The following CAMK1D variants were observed in gnomAD, a reference collection of about 807,000 sequenced individuals.
The protein encoded by CAMK1D is calcium/calmodulin dependent protein kinase ID.
In CAMK1D, 9 loss-of-function variants were observed where a neutral mutation model predicts 47.7. That is an observed-to-expected ratio of 0.19 (90% CI 0.11 to 0.33). The LOEUF (loss-of-function observed/expected upper bound fraction) is 0.33. Among genes scored for constraint, CAMK1D ranks in the 10% least tolerant of loss-of-function variants. CAMK1D has a pLI of 1.00. For synonymous variants in CAMK1D, 184 were observed against 184.9 expected, an observed-to-expected ratio of 0.99 and a Z score of 0.04; for missense variants, 291 against 488.7, an observed-to-expected ratio of 0.60 and a Z score of 3.81.
At chr10:12,574,295 T>C (rs145813570) in intron 2 of CAMK1D, among the ~76,000 whole-genome samples, 1 of 151,844 alleles carries the variant, frequency 6.6e-6, no homozygotes, top group East Asian at 1.9e-4. Flanking sequence ...GGGATCTTTC[T>C]TTCTGTTTTG....
intron 1 of CAMK1D, among the ~76,000 whole-genome samples, chr10:12,536,765 T>C (rs1028830526): frequency 2.0e-5 from 3 of 152,242 alleles, no homozygotes; most frequent in African/African-American, 7.2e-5. Flanking sequence ...ACGGAAGAAA[T>C]ACTGTATCTT....
chr10:12,488,721 TC>T (rs1834287968), intron 1 of CAMK1D, among the ~76,000 whole-genome samples: 1 of 152,066 alleles, frequency 6.6e-6, no homozygotes, highest in Non-Finnish European at 1.5e-5. Context: ...CAGTGACAGA[TC>T]ATCAGGCATT....
intron 3 of CAMK1D, among the ~76,000 whole-genome samples, chr10:12,685,984 G>A (rs1477187025): frequency 2.0e-5 from 3 of 152,196 alleles, no homozygotes; most frequent in African/African-American, 4.8e-5. Context: ...ATGGCCCAGA[G>A]AGCTGATACA....
chr10:12,640,816 G>T (rs190179393), intron 2 of CAMK1D, among the ~76,000 whole-genome samples: 6 of 150,938 alleles, frequency 4.0e-5, no homozygotes, highest in Non-Finnish European at 8.8e-5. Context: ...AACATGATTG[G>T]TTTTTTTCAG....
chr10:12,696,080 ACT>A (rs1833284348), intron 3 of CAMK1D, among the ~76,000 whole-genome samples: 2 of 151,790 alleles, frequency 1.3e-5, no homozygotes, highest in Admixed American at 1.3e-4. Flanking sequence ...CAAGAGTTAA[ACT>A]CCATCTCAAA....
chr10:12,601,937 C>T (rs1253440468), intron 2 of CAMK1D, among the ~76,000 whole-genome samples: 1 of 152,220 alleles, frequency 6.6e-6, no homozygotes, highest in Admixed American at 6.5e-5. Context: ...AAGAAGCCCC[C>T]TCTACCTGTG....
chr10:12,586,678 C>G (rs912438969), intron 2 of CAMK1D, among the ~76,000 whole-genome samples: 1 of 152,052 alleles, frequency 6.6e-6, no homozygotes, highest in Non-Finnish European at 1.5e-5. Flanking sequence ...CTGCTGCCCC[C>G]TCACCAGACC....
intron 2 of CAMK1D, among the ~76,000 whole-genome samples, chr10:12,662,569 A>G (rs900126173): frequency 6.6e-6 from 1 of 151,678 alleles, no homozygotes; most frequent in East Asian, 1.9e-4. Context: ...GGGGAATGGC[A>G]TGAACCCGGG....
chr10:12,446,410 C>T (rs1031774667), intron 1 of CAMK1D, among the ~76,000 whole-genome samples: 9 of 152,114 alleles, frequency 5.9e-5, no homozygotes, highest in Non-Finnish European at 1.2e-4. Context: ...AGTGTAGCAG[C>T]GAGGACAACA....
chr10:12,445,309 G>T (rs1490818879), intron 1 of CAMK1D, among the ~76,000 whole-genome samples: 2 of 152,198 alleles, frequency 1.3e-5, no homozygotes, highest in Admixed American at 1.3e-4. Flanking sequence ...CAGTTGAGGG[G>T]GTTTAGAATT....
chr10:12,696,436 C>A (rs552617373), intron 3 of CAMK1D, among the ~76,000 whole-genome samples: 67 of 152,200 alleles, frequency 4.4e-4, no homozygotes, highest in African/African-American at 1.5e-3. Flanking sequence ...ACTCAGGAGC[C>A]TGAGGTGGAA....
chr10:12,772,392 C>G (rs906679312), intron 5 of CAMK1D, among the ~76,000 whole-genome samples: 2 of 152,146 alleles, frequency 1.3e-5, no homozygotes, highest in African/African-American at 2.4e-5. Context: ...GATACTGTGG[C>G]CTGCCCATCT....
At chr10:12,755,049 G>A (rs1372090269) in intron 3 of CAMK1D, among the ~76,000 whole-genome samples, 1 of 152,184 alleles carries the variant, frequency 6.6e-6, no homozygotes, top group Non-Finnish European at 1.5e-5. Flanking sequence ...TAGATGGAAA[G>A]GCGTGTGTTT....
At chr10:12,587,178 A>G (rs747294665) in intron 2 of CAMK1D, among the ~76,000 whole-genome samples, 14 of 152,286 alleles carry the variant, frequency 9.2e-5, no homozygotes, top group Non-Finnish European at 1.6e-4. Context: ...AGGGAAAACA[A>G]ACTTCTCTGC....
At chr10:12,547,682 T>TCTCTCTCTCACACACACA (rs10643491) in intron 1 of CAMK1D, among the ~76,000 whole-genome samples, 1 of 116,508 alleles carries the variant, frequency 8.6e-6, no homozygotes, top group African/African-American at 3.7e-5. Context: ...TTTCTCTCTC[T>TCTCTCTCTCACACACACA]CACACACACA....
chr10:12,764,897 A>T (rs145306094), intron 4 of CAMK1D, among the ~76,000 whole-genome samples: 2 of 152,222 alleles, frequency 1.3e-5, no homozygotes, highest in African/African-American at 4.8e-5. Context: ...GGAGTTTGAG[A>T]CCAGCCTGGC....
chr10:12,681,438 G>C (rs534239727), intron 3 of CAMK1D, among the ~76,000 whole-genome samples: 1 of 152,216 alleles, frequency 6.6e-6, no homozygotes, highest in Non-Finnish European at 1.5e-5. Flanking sequence ...TGACCGCAGC[G>C]CAGCTGCCTG....
intron 2 of CAMK1D, among the ~76,000 whole-genome samples, chr10:12,592,911 T>C (rs888150743): frequency 2.0e-5 from 3 of 152,242 alleles, no homozygotes; most frequent in African/African-American, 7.2e-5. Context: ...CTCTCCTTTC[T>C]GCCTGGCTCC....
chr10:12,828,596 G>T (rs544621614), intron 10 of CAMK1D, among the ~76,000 whole-genome samples, 173 bp from the exon 11 acceptor site: 4 of 151,462 alleles, frequency 2.6e-5, no homozygotes, highest in African/African-American at 9.7e-5. Context: ...ACCCGAGATC[G>T]TGCCACTGCA....
Sources: allele counts gnomAD v4.1 joint callset (sites outside exome capture counted in the v4.1 genomes callset), GRCh38; gene constraint gnomAD v4.1.1; transcripts MANE v1.5; gene names NCBI Gene and HGNC (gene_info 2026-07-23, HGNC 2026-07-21).